Variants in TCF25 observed in about 807,000 individuals in gnomAD.
The protein encoded by TCF25 is ribosome quality control complex subunit TCF25.
In TCF25, 41 loss-of-function variants were observed where a neutral mutation model predicts 83.1. That is an observed-to-expected ratio of 0.49 (90% confidence interval 0.38 to 0.64). The LOEUF is 0.64. Ranked by LOEUF, TCF25 falls within the 30% of genes least tolerant of loss-of-function variation. The pLI is 0.00. For synonymous variants in TCF25, 458 were observed against 365.0 expected (o/e 1.25, Z -2.90); for missense variants, 979 against 914.5 (o/e 1.07, Z -0.91).
chr16:89,898,761 C>T lies in TCF25; in HGVS notation c.1116-6C>T, dbSNP rs370663503. 1.5e-5 allele frequency: 24 copies of T among 1,613,660 alleles called. No homozygotes were observed. Among genetic ancestry groups the T allele is most frequent in the South Asian group, 1.4e-4 (13 of 91,084 alleles). On this transcript the variant is annotated splice_polypyrimidine_tract_variant and splice_region_variant and intron_variant, in intron 10 of 17. Transcript: ENST00000263346. ...TTTGCTCTGCTCTCTGTGCTGCCTC[C>T]GGAAGTCTCGAGCCGGATGAGGACC... is the stretch of plus-strand genomic sequence containing the variant.
chr16:89,898,576 T>C lies in TCF25; in HGVS notation c.1042T>C (p.Tyr348His), dbSNP rs2044066426. The C allele has an allele frequency of 1.2e-6, 2 of 1,602,764 alleles. No individual in the cohort carries two copies. The highest frequency in any genetic ancestry group is 1.5e-5 in the African/African-American group (1 of 68,936). The part of the protein sequence containing the change: ...PENRSFYLAL[Y>H]KQMSFLEKRG... ...ATCTAGGAGCTTCTACCTGGCCCTC[T>C]ACAAGCAGATGAGCTTCCTGGAGAA... Residue 348 changes from tyrosine (Y) to histidine (H), a missense_variant, in exon 10 of 18, where the codon TAC becomes CAC. Physicochemically the swap from Tyr to His is moderately conservative, Grantham distance 83. Transcript: ENST00000263346.
At chr16:89,900,859 C>A in intron 12 of TCF25, 65 bp downstream of exon 12, 1 of 1,437,858 alleles carries the variant, frequency 7.0e-7, no homozygotes, top group African/African-American at 1.4e-5. Flanking sequence ...GGCTGCTCTT[C>A]CTGGTGGTGG....
intron 5 of TCF25, among the ~76,000 whole-genome samples, chr16:89,888,150 C>G (rs2043153390): frequency 6.6e-6 from 1 of 152,024 alleles, no homozygotes. Flanking sequence ...TCTGTAATCC[C>G]AGCTACTCAG....
chr16:89,884,096 G>A (rs563591213), intron 2 of TCF25: 23 of 169,846 alleles, frequency 1.4e-4, no homozygotes, highest in Non-Finnish European at 2.1e-4. Flanking sequence ...GGAGCCTCTG[G>A]TTGGGAGGGC....
chr16:89,878,019 T>C (rs1403851454), intron 1 of TCF25, among the ~76,000 whole-genome samples: 1 of 152,176 alleles, frequency 6.6e-6, no homozygotes, highest in Non-Finnish European at 1.5e-5. Flanking sequence ...GGCTGACACC[T>C]GTAATCCCAT....
chr16:89,895,268 T>C, intron 8 of TCF25, 131 bp downstream of exon 8: 1 of 803,368 alleles, frequency 1.2e-6, no homozygotes, highest in Non-Finnish European at 1.9e-6. Flanking sequence ...ACAACCTACG[T>C]AGCACAAAAC....
chr16:89,900,919 G>T, intron 12 of TCF25, 125 bp downstream of exon 12: 1 of 1,153,100 alleles, frequency 8.7e-7, no homozygotes, highest in East Asian at 2.6e-5. Flanking sequence ...GCATTCTCTG[G>T]TAGGGCCTGC....
Position 89,888,379 on chromosome 16 carries a change from C to T in TCF25, c.614+662C>T, listed in dbSNP as rs979676174. ...AAGGCGGGCGGATCACCTGAGTTCACGAGTTCGAGATCAGCCTGACCAACA... is the reference window on the plus strand; with the variant it reads ...AAGGCGGGCGGATCACCTGAGTTCATGAGTTCGAGATCAGCCTGACCAACA... On this transcript the variant is annotated intron_variant, in intron 5 of 17. Transcript: ENST00000263346. 3.3e-5 allele frequency among the ~76,000 whole-genome samples: 5 copies of T among 151,808 alleles called. No homozygotes were observed. In the East Asian group the frequency reaches 5.9e-4, roughly 18 times the overall value.
chr16:89,889,107 G>A (rs917717631), intron 5 of TCF25: 2 of 283,890 alleles, frequency 7.0e-6, no homozygotes, highest in South Asian at 3.2e-5. Flanking sequence ...GAAGAGCAGG[G>A]GGGGTGTCTG....
In TCF25 at chr16:89,911,213, C is replaced by G. The variant is rs2045528872; in HGVS notation, c.2006C>G (p.Ala669Gly). ...CTGGAGGCGCCGCACGAGGACGACG[C>G]TGAGGGGGAGGGGGAGTGGGACTGA... ...NDLEAPHEDDAEGEGEWD is the reference protein window; with the variant it reads ...NDLEAPHEDDGEGEGEWD Residue 669 changes from alanine to glycine, a missense_variant, in exon 18 of 18, where the codon GCT (alanine) becomes GGT (glycine). Transcript: ENST00000263346. The G allele has an allele frequency of 1.2e-6, 2 of 1,612,384 alleles. No homozygotes were observed. The highest frequency in any genetic ancestry group is 1.7e-6 in the Non-Finnish European group (2 of 1,179,972).
At chr16:89,884,389 G>T (rs1449181857) in intron 2 of TCF25, among the ~76,000 whole-genome samples, 193 bp from the exon 3 acceptor site, 4 of 152,154 alleles carry the variant, frequency 2.6e-5, no homozygotes, top group African/African-American at 7.2e-5. Flanking sequence ...GACTGCTGTA[G>T]CACAGCCCGA....
intron 6 of TCF25, among the ~76,000 whole-genome samples, 175 bp downstream of exon 6, chr16:89,892,450 G>A (rs575719042): frequency 1.4e-4 from 22 of 152,242 alleles, no homozygotes; most frequent in African/African-American, 3.9e-4. Flanking sequence ...AGTGCCTCTT[G>A]AGCCGAGACT....
intron 1 of TCF25, among the ~76,000 whole-genome samples, chr16:89,876,975 G>A (rs1415696619): frequency 6.6e-6 from 1 of 150,822 alleles, no homozygotes; most frequent in Non-Finnish European, 1.5e-5. Flanking sequence ...GGTGGTGGGT[G>A]CCTGTAATCC....
intron 16 of TCF25, chr16:89,909,047 G>A (rs1036818237): frequency 1.0e-5 from 13 of 1,289,416 alleles, no homozygotes; most frequent in African/African-American, 1.5e-5. Context: ...CATCTCCACC[G>A]AATGTACAAG....
intron 9 of TCF25, among the ~76,000 whole-genome samples, chr16:89,897,347 G>A (rs2043943266): frequency 6.6e-6 from 1 of 152,264 alleles, no homozygotes; most frequent in Non-Finnish European, 1.5e-5. Context: ...CCCGCAGCCT[G>A]TCCTGTGGGC....
intron 17 of TCF25, 23 bp from the exon 18 acceptor site, chr16:89,911,057 T>C (rs758328934): frequency 6.2e-7 from 1 of 1,609,378 alleles, no homozygotes; most frequent in East Asian, 2.2e-5. Flanking sequence ...AGCCCCCTTC[T>C]CAGACATGTC....
intron 6 of TCF25, 113 bp downstream of exon 6, chr16:89,892,388 C>T (rs1185490706): frequency 4.7e-6 from 2 of 428,518 alleles, no homozygotes; most frequent in South Asian, 2.8e-5. Flanking sequence ...GGGTGGAGGG[C>T]GGCGGGGGGG....
intron 3 of TCF25, 92 bp from the exon 4 acceptor site, chr16:89,885,755 AT>A: frequency 1.9e-6 from 2 of 1,030,822 alleles, no homozygotes; most frequent in East Asian, 4.9e-5. Flanking sequence ...ATACAGTGTA[AT>A]AGGTCTCTTT....
intron 16 of TCF25, chr16:89,909,178 A>G: frequency 3.2e-6 from 4 of 1,265,032 alleles, no homozygotes; most frequent in Non-Finnish European, 4.1e-6. Flanking sequence ...AAACTGCACC[A>G]GCCTGGCCAA....
Sources: allele counts gnomAD v4.1 joint callset (sites outside exome capture counted in the v4.1 genomes callset), GRCh38; gene constraint gnomAD v4.1.1; transcripts MANE v1.5; gene names NCBI Gene and HGNC (gene_info 2026-07-23, HGNC 2026-07-21).